The following FHOD3 variants were observed in gnomAD, a reference collection of about 807,000 sequenced individuals.
FHOD3 encodes FH1/FH2 domain-containing protein 3.
In FHOD3, 90 loss-of-function variants were observed where a neutral mutation model predicts 173.0. That is an observed-to-expected ratio of 0.52 (90% CI 0.44 to 0.62). The LOEUF is 0.62. Ranked by LOEUF, FHOD3 falls within the 20% of genes least tolerant of loss-of-function variation. The pLI, the probability that FHOD3 is intolerant of heterozygous loss-of-function variation, is 0.00. For synonymous variants in FHOD3, 828 were observed against 823.0 expected (o/e 1.01, Z -0.10); for missense variants, 1,945 against 2,034.7 (o/e 0.96, Z 0.85).
At chr18:36,773,545 G>A (rs369709757) in intron 28 of FHOD3, among the ~76,000 whole-genome samples, 1 of 152,208 alleles carries the variant, frequency 6.6e-6, no homozygotes, top group Admixed American at 6.5e-5. Context: ...CCCTTACCGT[G>A]TATCAGTTAT....
intron 2 of FHOD3, among the ~76,000 whole-genome samples, chr18:36,368,096 TC>T (rs1373925038): frequency 6.6e-6 from 1 of 151,722 alleles, no homozygotes; most frequent in East Asian, 1.9e-4. Context: ...ACGGACCAGC[TC>T]CTATTCTCTC....
At chr18:36,598,841 G>A (rs918310792) in intron 7 of FHOD3, among the ~76,000 whole-genome samples, 2 of 152,190 alleles carry the variant, frequency 1.3e-5, no homozygotes, top group Admixed American at 6.5e-5. Context: ...GAGCCACCGC[G>A]CCTGGCCAAA....
intron 1 of FHOD3, among the ~76,000 whole-genome samples, chr18:36,346,972 A>G (rs2045905230): frequency 6.6e-6 from 1 of 152,204 alleles, no homozygotes; most frequent in Admixed American, 6.5e-5. Flanking sequence ...AACACAGGCA[A>G]CAAACTCATT....
In FHOD3 at chr18:36,742,723, T is replaced by A. The variant is rs781601109; in HGVS notation, c.3760-14T>A. On this transcript the variant is annotated splice_polypyrimidine_tract_variant and intron_variant, in intron 21 of 28. Coordinates refer to ENST00000590592, the MANE Select transcript of FHOD3 (RefSeq NM_001281740.3). ...TGTACACTCTTTATTGTCTAATTTT[T>A]TTTTAACTGAAAGGAAGTAGCAGAA... The A allele has an allele frequency of 3.1e-6, 5 of 1,600,040 alleles. No homozygotes were observed. The South Asian group carries it at 5.7e-5, about 18-fold the overall frequency.
chr18:36,534,577 G>C (rs1434802781), intron 5 of FHOD3, among the ~76,000 whole-genome samples: 1 of 152,100 alleles, frequency 6.6e-6, no homozygotes, highest in Non-Finnish European at 1.5e-5. Context: ...TGCGATCTCA[G>C]CTCACTGCAA....
intron 1 of FHOD3, among the ~76,000 whole-genome samples, chr18:36,308,495 T>C (rs2092162533): frequency 6.6e-6 from 1 of 152,202 alleles, no homozygotes; most frequent in African/African-American, 2.4e-5. Context: ...GATTCAGAGA[T>C]GATTGTTAAA....
At chr18:36,577,592 C>T (rs1216736723) in intron 6 of FHOD3, among the ~76,000 whole-genome samples, 1 of 152,240 alleles carries the variant, frequency 6.6e-6, no homozygotes, top group Non-Finnish European at 1.5e-5. Context: ...GGAGCCACCA[C>T]ATCCGGCCCA....
chr18:36,526,101 A>C (rs902611356), intron 5 of FHOD3, among the ~76,000 whole-genome samples: 5 of 152,222 alleles, frequency 3.3e-5, no homozygotes, highest in Non-Finnish European at 7.3e-5. Context: ...CTGTTTACTC[A>C]TTGATTAATC....
At position 36,718,433 on chromosome 18, in the gene FHOD3, T is replaced by C. The variant is rs747766159; in HGVS notation, c.3135T>C (p.Pro1045=). ...PPPPPLLDSI[P]PPPVPGNLLV... ...CTCCGCCCCTGTTGGACAGCATTCC[T>C]CCCCCTCCTGTCCCTGGTAATTTAT... Residue 1045 remains proline, a synonymous_variant, in exon 19 of 29, where the codon CCT becomes CCC. Transcript: ENST00000590592. 2.2e-6 allele frequency: 2 copies of C among 896,092 alleles called. No homozygotes were observed. Among genetic ancestry groups the C allele is most frequent in the Non-Finnish European group, 3.3e-6 (2 of 606,848 alleles). 55.5% of individuals were successfully genotyped at this position (896,092 alleles called of 1,614,324 possible). A position where few individuals can be genotyped will look rare whatever the true frequency, so the allele number is the denominator to read the frequency against.
intron 24 of FHOD3, among the ~76,000 whole-genome samples, chr18:36,748,384 C>A (rs150682782): frequency 4.3e-4 from 38 of 88,998 alleles, no homozygotes; most frequent in Non-Finnish European, 7.5e-4. Flanking sequence ...ACACACACAA[C>A]ACACACACAC....
At position 36,625,742 on chromosome 18, in the gene FHOD3, C is replaced by T. The variant is rs760874847; in HGVS notation, c.1189C>T (p.Arg397Cys). 26 of 1,605,414 alleles carry T rather than the reference C, an allele frequency of 1.6e-5. No individual in the cohort carries two copies. The highest frequency in any genetic ancestry group is 9.0e-5 in the East Asian group (4 of 44,326). ...SFKPNQVRDL[R>C]EKEEEEEEEQ... ...CAAGCCCAACCAAGTGCGAGATCTG[C>T]GTGAAAAGTAAGCATTAACTTGGCA... The change falls in exon 10 of 29, where the codon CGT (arginine) becomes TGT (cysteine). Residue 397 changes from arginine (R) to cysteine (C), a missense_variant. By Grantham distance (180) the Arg-to-Cys change is radical (BLOSUM62 -3). Transcript: ENST00000590592.
intron 10 of FHOD3, among the ~76,000 whole-genome samples, chr18:36,636,423 G>T (rs934985138): frequency 6.6e-6 from 1 of 152,134 alleles, no homozygotes; most frequent in African/African-American, 2.4e-5. Context: ...CATTGATGAA[G>T]GTTGAACAAA....
intron 3 of FHOD3, among the ~76,000 whole-genome samples, chr18:36,498,724 A>G (rs1176759485): frequency 6.6e-6 from 1 of 152,168 alleles, no homozygotes; most frequent in Non-Finnish European, 1.5e-5. Flanking sequence ...CAAAATTCGC[A>G]TTGTCTCAAT....
intron 3 of FHOD3, among the ~76,000 whole-genome samples, chr18:36,391,565 T>C (rs185940279): frequency 1.3e-5 from 2 of 152,234 alleles, no homozygotes; most frequent in East Asian, 3.9e-4. Context: ...ATCTTAGCAA[T>C]GTCCTGGAAG....
At chr18:36,506,961 T>C (rs2055338196) in intron 4 of FHOD3, among the ~76,000 whole-genome samples, 1 of 152,176 alleles carries the variant, frequency 6.6e-6, no homozygotes, top group South Asian at 2.1e-4. Context: ...AAATAAAATA[T>C]AGTGTATAGT....
intron 1 of FHOD3, among the ~76,000 whole-genome samples, chr18:36,330,408 G>C (rs1037387366): frequency 2.0e-5 from 3 of 152,224 alleles, no homozygotes; most frequent in African/African-American, 7.2e-5. Flanking sequence ...ATTGTGCATT[G>C]CCTGAGGAGA....
intron 24 of FHOD3, among the ~76,000 whole-genome samples, chr18:36,751,137 T>G (rs961076037): frequency 6.6e-6 from 1 of 152,254 alleles, no homozygotes; most frequent in African/African-American, 2.4e-5. Flanking sequence ...CATTTGTTTG[T>G]GTCATCTCTG....
chr18:36,726,409 C>CT (rs932036569), intron 19 of FHOD3, among the ~76,000 whole-genome samples: 5 of 152,178 alleles, frequency 3.3e-5, no homozygotes, highest in Non-Finnish European at 5.9e-5. Flanking sequence ...TGATTTCCTA[C>CT]TTAGAGGCAT....
chr18:36,594,731 C>A, intron 6 of FHOD3, 56 bp from the exon 7 acceptor site: 1 of 1,304,468 alleles, frequency 7.7e-7, no homozygotes. Flanking sequence ...GGAAGATGCT[C>A]TCTGGTGCAC....
Sources: gnomAD v4.1 joint callset for allele counts (sites outside exome capture counted in the v4.1 genomes callset) on GRCh38, gnomAD v4.1.1 for gene constraint, MANE v1.5 for transcripts, NCBI Gene and HGNC (gene_info 2026-07-23, HGNC 2026-07-21) for gene names.